The following SENP7 variants were observed in gnomAD, a reference collection of about 807,000 sequenced individuals.
SENP7 encodes sentrin-specific protease 7.
Under a neutral mutation model 141.2 loss-of-function variants are expected in SENP7, and 64 were observed. The observed-to-expected ratio is 0.45, with a 90% CI of 0.37 to 0.56. The LOEUF (loss-of-function observed/expected upper bound fraction) is 0.56, where lower values mean the gene tolerates loss of function less well. Ranked by LOEUF, SENP7 falls within the 20% of genes least tolerant of loss-of-function variation. The pLI is 0.00. For missense variants in SENP7, 1,025 were observed against 1,212.2 expected, an observed-to-expected ratio of 0.85 and a Z score of 2.29; for synonymous variants, 382 against 426.4, an observed-to-expected ratio of 0.90 and a Z score of 1.28.
intron 6 of SENP7, among the ~76,000 whole-genome samples, chr3:101,375,658 C>T (rs1392609068): frequency 6.6e-6 from 1 of 151,310 alleles, no homozygotes; most frequent in Non-Finnish European, 1.5e-5. Context: ...TGAACAGATT[C>T]TTGTACTCCA....
chr3:101,493,385 TTAAAA>T (rs2065036502), intron 3 of SENP7, among the ~76,000 whole-genome samples: 1 of 152,116 alleles, frequency 6.6e-6, no homozygotes, highest in Non-Finnish European at 1.5e-5. Flanking sequence ...ACCACTAAAC[TTAAAA>T]TAAAAGTTAA....
chr3:101,328,448 G>A, intron 22 of SENP7, 30 bp downstream of exon 22: 1 of 1,553,076 alleles, frequency 6.4e-7, no homozygotes, highest in Non-Finnish European at 8.9e-7. Flanking sequence ...TTAGATAACA[G>A]ACTGGAATGG....
intron 18 of SENP7, 112 bp downstream of exon 18, chr3:101,332,658 A>G: frequency 1.8e-6 from 1 of 570,528 alleles, no homozygotes; most frequent in Non-Finnish European, 2.8e-6. Flanking sequence ...AAATTAAAAT[A>G]ATACCTGAGA....
At position 101,436,154 on chromosome 3, in the gene SENP7, C is replaced by T. The variant is rs537094976; in HGVS notation, c.285-18364G>A. ...AGTGAACTCATTTTTGACACAGGTGCCAAGAACATACACTGATGGAAAGAC... is the reference window on the plus strand; with the variant it reads ...AGTGAACTCATTTTTGACACAGGTGTCAAGAACATACACTGATGGAAAGAC... On this transcript the variant is annotated intron_variant, in intron 4 of 23. Coordinates refer to ENST00000394095, the MANE Select transcript of SENP7 (RefSeq NM_020654.5). Among the ~76,000 whole-genome samples, 6 of 152,112 alleles carry T rather than the reference C, an allele frequency of 3.9e-5. No homozygotes were observed. The East Asian group carries it at 1.2e-3, about 29-fold the overall frequency.
intron 4 of SENP7, 144 bp from the exon 5 acceptor site, chr3:101,417,934 C>CTGTGCAGAAG: frequency 3.2e-6 from 2 of 619,598 alleles, no homozygotes; most frequent in East Asian, 5.6e-5. Context: ...AGAAAAAATG[C>CTGTGCAGAAG]CTAACTATTA....
At position 101,351,665 on chromosome 3, in the gene SENP7, T is replaced by A; in HGVS notation, c.1624-14A>T. ...TTTTTTTGTGATCTGAAGAAAAAAT[T>A]AAAAAGCAAACAATGAGTTACCACT... On this transcript the variant is annotated splice_polypyrimidine_tract_variant and intron_variant, in intron 11 of 23. Transcript: ENST00000394095. 3.0e-6 allele frequency: 4 copies of A among 1,345,398 alleles called. No individual in the cohort carries two copies. The highest frequency in any genetic ancestry group is 3.9e-6 in the Non-Finnish European group (4 of 1,030,274). 83.3% of individuals were successfully genotyped at this position (1,345,398 alleles called of 1,614,324 possible).
intron 17 of SENP7, 153 bp downstream of exon 17, chr3:101,337,356 T>A: frequency 2.2e-6 from 1 of 455,422 alleles, no homozygotes; most frequent in Non-Finnish European, 3.9e-6. Context: ...AGTGGAAGGA[T>A]GAGAAATGGC....
At chr3:101,451,430 A>G (rs1012917785) in intron 4 of SENP7, among the ~76,000 whole-genome samples, 8 of 152,322 alleles carry the variant, frequency 5.3e-5, no homozygotes, top group Middle Eastern at 3.4e-3. Context: ...ATTTTAGACC[A>G]ATAGCCCTGA....
intron 11 of SENP7, among the ~76,000 whole-genome samples, chr3:101,359,451 C>T (rs1164905024): frequency 6.6e-6 from 1 of 150,914 alleles, no homozygotes; most frequent in Non-Finnish European, 1.5e-5. Context: ...GATAGTTTGA[C>T]TTCCTCTCCT....
chr3:101,447,763 C>A (rs2062950820), intron 4 of SENP7, among the ~76,000 whole-genome samples: 1 of 150,824 alleles, frequency 6.6e-6, no homozygotes. Context: ...TGCAAGAAAC[C>A]CAGAACAGCT....
intron 3 of SENP7, among the ~76,000 whole-genome samples, chr3:101,482,657 CTTA>C (rs1221898640): frequency 6.6e-6 from 1 of 152,090 alleles, no homozygotes; most frequent in Non-Finnish European, 1.5e-5. Flanking sequence ...AACTTCAAGA[CTTA>C]TTATAAAGCT....
intron 17 of SENP7, among the ~76,000 whole-genome samples, chr3:101,335,159 T>C (rs1439459388): frequency 6.6e-6 from 1 of 151,862 alleles, no homozygotes; most frequent in Non-Finnish European, 1.5e-5. Context: ...AGGCAGAAAA[T>C]AGGAAAGCGG....
chr3:101,489,043 T>G (rs896182470), intron 3 of SENP7, among the ~76,000 whole-genome samples: 1 of 152,012 alleles, frequency 6.6e-6, no homozygotes, highest in Non-Finnish European at 1.5e-5. Context: ...AACTAAGAAT[T>G]TCATATCCTA....
chr3:101,436,807 G>A (rs1028059358), intron 4 of SENP7, among the ~76,000 whole-genome samples: 1 of 152,182 alleles, frequency 6.6e-6, no homozygotes, highest in Non-Finnish European at 1.5e-5. Context: ...GGAGAAAAGG[G>A]AACACTTACA....
intron 16 of SENP7, among the ~76,000 whole-genome samples, chr3:101,338,152 C>CAA (rs34227978): frequency 7.9e-5 from 9 of 113,706 alleles, no homozygotes; most frequent in Non-Finnish European, 1.7e-4. Flanking sequence ...GACTCTGTCT[C>CAA]AAAAAAAAAA....
chr3:101,339,601 C>T (rs944510806), intron 16 of SENP7, among the ~76,000 whole-genome samples: 3 of 151,866 alleles, frequency 2.0e-5, no homozygotes, highest in African/African-American at 7.3e-5. Context: ...GCCTGTAATC[C>T]CAGCTACTCA....
chr3:101,337,430 T>C (rs1017903673), intron 17 of SENP7, 79 bp downstream of exon 17: 9 of 1,057,704 alleles, frequency 8.5e-6, no homozygotes, highest in African/African-American at 1.6e-5. Flanking sequence ...GGAAATACTA[T>C]AAAGAAGCCA....
At chr3:101,409,997 T>A (rs900827578) in intron 5 of SENP7, among the ~76,000 whole-genome samples, 55 of 152,000 alleles carry the variant, frequency 3.6e-4, no homozygotes, top group African/African-American at 1.3e-3. Flanking sequence ...AGTAAACGGA[T>A]AACCCACAGA....
intron 4 of SENP7, among the ~76,000 whole-genome samples, chr3:101,435,738 C>A (rs886675417): frequency 1.1e-4 from 17 of 151,846 alleles, no homozygotes; most frequent in Non-Finnish European, 2.1e-4. Context: ...AAGATCTCTA[C>A]AATAAAAACT....
Sources: allele counts gnomAD v4.1 joint callset (sites outside exome capture counted in the v4.1 genomes callset), GRCh38; gene constraint gnomAD v4.1.1; transcripts MANE v1.5; gene names NCBI Gene and HGNC (gene_info 2026-07-23, HGNC 2026-07-21).